Variants in NMT2 observed in about 807,000 individuals in gnomAD.
NMT2 encodes glycylpeptide N-tetradecanoyltransferase 2.
Under a neutral mutation model 65.4 loss-of-function variants are expected in NMT2, and 35 were observed. That is an observed-to-expected ratio of 0.54 (90% CI 0.41 to 0.71). The LOEUF is 0.71. Ranked by LOEUF, NMT2 falls within the 30% of genes least tolerant of loss-of-function variation. NMT2 has a pLI of 0.00. For synonymous variants in NMT2, 226 were observed against 231.8 expected, an observed-to-expected ratio of 0.98 and a Z score of 0.23; for missense variants, 489 against 611.3, an observed-to-expected ratio of 0.80 and a Z score of 2.11.
At chr10:15,113,869 G>T (rs1270564298) in intron 9 of NMT2, among the ~76,000 whole-genome samples, 1 of 152,154 alleles carries the variant, frequency 6.6e-6, no homozygotes, top group Non-Finnish European at 1.5e-5. Context: ...CACTGGCAAA[G>T]CTTCCAATAC....
At chr10:15,123,587 CA>C (rs1343857796) in intron 8 of NMT2, among the ~76,000 whole-genome samples, 14 of 143,386 alleles carry the variant, frequency 9.8e-5, no homozygotes, top group Admixed American at 8.3e-4. Flanking sequence ...AACAAACACT[CA>C]AATTATAACT....
chr10:15,135,778 GT>G (rs1207424556), intron 2 of NMT2, among the ~76,000 whole-genome samples: 5 of 152,214 alleles, frequency 3.3e-5, no homozygotes, highest in African/African-American at 1.2e-4. Context: ...CGAGCCTTGG[GT>G]GGGGGGCACT....
chr10:15,109,401 C>T (rs1371997669), intron 11 of NMT2, among the ~76,000 whole-genome samples, 186 bp from the exon 12 acceptor site: 1 of 151,996 alleles, frequency 6.6e-6, no homozygotes, highest in Admixed American at 6.6e-5. Flanking sequence ...ATGGTCAAAC[C>T]CCATCTCTAC....
chr10:15,117,212 T>A (rs993994248), intron 9 of NMT2, among the ~76,000 whole-genome samples: 2 of 152,220 alleles, frequency 1.3e-5, no homozygotes, highest in East Asian at 3.8e-4. Flanking sequence ...ACCAAGTGGA[T>A]ATTTTCTAGG....
intron 9 of NMT2, among the ~76,000 whole-genome samples, chr10:15,117,962 T>C (rs766033141): frequency 2.6e-5 from 4 of 152,226 alleles, no homozygotes; most frequent in Admixed American, 6.5e-5. Flanking sequence ...ATCAGTGTAA[T>C]GTAATCCCTA....
At chr10:15,148,960 A>G (rs1847052271) in intron 1 of NMT2, among the ~76,000 whole-genome samples, 1 of 152,204 alleles carries the variant, frequency 6.6e-6, no homozygotes, top group Admixed American at 6.5e-5. Context: ...GAATATCAGA[A>G]GAACGTGAGG....
rs1355318222 is a variant in NMT2 at position 15,168,600 on chromosome 10, T to C, written c.13A>G (p.Ser5Gly). ...CTCTGCTGGCTGGCCGCAGACTCGC[T>C]GTCCTCCGCCATCGCGGCGGCGCTG... is the stretch of plus-strand genomic sequence containing the variant. The part of the protein sequence containing the change: MAED[S>G]ESAASQQSLE... The change falls in exon 1 of 12, where the codon AGC (serine) becomes GGC (glycine). Residue 5 changes from serine to glycine, a missense_variant. Transcript: ENST00000378165. 1.9e-6 allele frequency: 3 copies of C among 1,580,934 alleles called. No individual in the cohort carries two copies. Among genetic ancestry groups the C allele is most frequent in the Non-Finnish European group, 2.6e-6 (3 of 1,168,846 alleles).
intron 5 of NMT2, 55 bp downstream of exon 5, chr10:15,132,998 G>A: frequency 6.3e-7 from 1 of 1,595,036 alleles, no homozygotes. Flanking sequence ...AACAGACGCA[G>A]GAGTCCCCAA....
intron 1 of NMT2, among the ~76,000 whole-genome samples, chr10:15,145,450 G>T (rs910818337): frequency 6.6e-6 from 1 of 152,192 alleles, no homozygotes; most frequent in East Asian, 1.9e-4. Context: ...TGCCATCTTA[G>T]CTCACTGCAA....
At chr10:15,131,564 A>C (rs1021358501) in intron 6 of NMT2, among the ~76,000 whole-genome samples, 3 of 152,164 alleles carry the variant, frequency 2.0e-5, no homozygotes, top group African/African-American at 7.2e-5. Flanking sequence ...GGGACCCCTG[A>C]GAGGGGCTTT....
intron 2 of NMT2, among the ~76,000 whole-genome samples, chr10:15,138,169 C>A (rs931075070): frequency 1.3e-5 from 2 of 152,024 alleles, no homozygotes; most frequent in African/African-American, 4.8e-5. Context: ...TGCCACCACG[C>A]CTGGCTAATT....
intron 10 of NMT2, 74 bp downstream of exon 10, chr10:15,112,722 C>A: frequency 7.3e-7 from 1 of 1,377,102 alleles, no homozygotes; most frequent in Middle Eastern, 2.3e-4. Context: ...GAAGAAAACA[C>A]AGTAAGATGT....
intron 1 of NMT2, 114 bp from the exon 2 acceptor site, chr10:15,141,671 A>G (rs981684647): frequency 7.5e-7 from 1 of 1,336,952 alleles, no homozygotes. Context: ...GCAGTAGAAA[A>G]TAACTGTGTT....
chr10:15,123,484 G>T (rs1236785822), intron 8 of NMT2, among the ~76,000 whole-genome samples: 1 of 137,530 alleles, frequency 7.3e-6, no homozygotes, highest in African/African-American at 2.8e-5. Flanking sequence ...AGCCAAGATC[G>T]CATCACTGCA....
chr10:15,147,522 T>A (rs776442470), intron 1 of NMT2, among the ~76,000 whole-genome samples: 18 of 151,458 alleles, frequency 1.2e-4, no homozygotes, highest in Non-Finnish European at 1.9e-4. Flanking sequence ...TGATATATAA[T>A]AAAGATCACA....
chr10:15,165,875 C>CAAA (rs34031754), intron 1 of NMT2, among the ~76,000 whole-genome samples: 63 of 94,854 alleles, frequency 6.6e-4, no homozygotes, highest in Middle Eastern at 6.6e-3. Context: ...AAGACTGTCT[C>CAAA]AAAAAAAAAA....
intron 1 of NMT2, among the ~76,000 whole-genome samples, chr10:15,160,174 C>T (rs911751574): frequency 8.5e-5 from 13 of 152,140 alleles, no homozygotes; most frequent in Admixed American, 7.2e-4. Context: ...TTGTTTTCTG[C>T]GCTACTCTGT....
chr10:15,133,132 A>G lies in NMT2; in HGVS notation c.523T>C (p.Tyr175His), dbSNP rs749145664. 1.4e-5 allele frequency: 22 copies of G among 1,613,608 alleles called. No individual in the cohort carries two copies. The Admixed American group carries it at 2.7e-4, about 20-fold the overall frequency. The change falls in exon 5 of 12, where the codon TAC becomes CAC. Residue 175 changes from tyrosine to histidine, a missense_variant. By Grantham distance (83) the Tyr-to-His change is moderately conservative. Coordinates refer to ENST00000378165, the MANE Select transcript of NMT2 (RefSeq NM_004808.3). Reference protein sequence around the residue: ...LSDAEVLKELYTLLNENYVED... With the variant: ...LSDAEVLKELHTLLNENYVED... ...ACGTAATTCTCATTTAACAACGTGT[A>G]TAACTCCTTGAGCTATAAGATAAAA...
chr10:15,162,674 A>G (rs542625360), intron 1 of NMT2, among the ~76,000 whole-genome samples: 1 of 151,788 alleles, frequency 6.6e-6, no homozygotes, highest in Admixed American at 6.6e-5. Context: ...AGTTCATTAA[A>G]CTATCAGTGG....
Sources: gnomAD v4.1 joint callset for allele counts (sites outside exome capture counted in the v4.1 genomes callset) on GRCh38, gnomAD v4.1.1 for gene constraint, MANE v1.5 for transcripts, NCBI Gene and HGNC (gene_info 2026-07-23, HGNC 2026-07-21) for gene names.